DLC1: variants seen among roughly 807,000 people sequenced by gnomAD.
DLC1 encodes rho GTPase-activating protein 7.
Under a neutral mutation model 140.3 loss-of-function variants are expected in DLC1, and 54 were observed. The observed-to-expected ratio is 0.38, with a 90% CI of 0.31 to 0.48. The LOEUF (loss-of-function observed/expected upper bound fraction) is 0.48. Ranked by LOEUF, DLC1 falls within the 20% of genes least tolerant of loss-of-function variation. The pLI is 0.96. For missense variants in DLC1, 2,536 were observed against 1,907.0 expected (o/e 1.33, Z -6.14); for synonymous variants, 986 against 728.1 (o/e 1.35, Z -5.70).
intron 2 of DLC1, among the ~76,000 whole-genome samples, chr8:13,490,928 C>T (rs2117162485): frequency 6.7e-6 from 1 of 150,230 alleles, no homozygotes; most frequent in South Asian, 2.1e-4. Context: ...CCAATAATAT[C>T]TGGAACAAGG....
At chr8:13,423,156 T>C (rs1838394375) in intron 2 of DLC1, among the ~76,000 whole-genome samples, 1 of 152,190 alleles carries the variant, frequency 6.6e-6, no homozygotes. Context: ...GTCTACCAAG[T>C]TTGGCATGCA....
chr8:13,092,825 T>G lies in DLC1; in HGVS notation c.3527A>C (p.Tyr1176Ser). ...LSETFLQIYQ[Y>S]VPKDQRLQAI... ...CTGCAGGCGCTGGTCCTTGGGCACA[T>G]CTGCACGACACCAGCACTTTCTCCA... The change falls in exon 13 of 18, where the codon TAT becomes TCT. Residue 1176 changes from tyrosine (Y) to serine (S), a missense_variant and splice_region_variant. Transcript: ENST00000276297. 1 of 1,611,328 alleles carries G rather than the reference T, an allele frequency of 6.2e-7. No individual in the cohort carries two copies. The highest frequency in any genetic ancestry group is 8.5e-7 in the Non-Finnish European group (1 of 1,178,084).
At chr8:13,271,012 C>T (rs1830912225) in intron 5 of DLC1, among the ~76,000 whole-genome samples, 1 of 152,180 alleles carries the variant, frequency 6.6e-6, no homozygotes, top group Non-Finnish European at 1.5e-5. Context: ...CAGGACTCAG[C>T]CACAGGCAGC....
chr8:13,487,906 C>T (rs1351614378), intron 2 of DLC1, among the ~76,000 whole-genome samples: 1 of 152,184 alleles, frequency 6.6e-6, no homozygotes, highest in African/African-American at 2.4e-5. Context: ...AGAAGGCGAT[C>T]ATTGATATTT....
intron 5 of DLC1, among the ~76,000 whole-genome samples, chr8:13,116,712 A>C (rs1247674450): frequency 6.6e-6 from 1 of 152,206 alleles, no homozygotes; most frequent in Non-Finnish European, 1.5e-5. Flanking sequence ...TTGGCCTTTG[A>C]AGAAAGGTAA....
intron 1 of DLC1, among the ~76,000 whole-genome samples, chr8:13,592,439 C>G (rs912477918): frequency 6.6e-6 from 1 of 151,820 alleles, no homozygotes; most frequent in South Asian, 2.1e-4. Context: ...ACATATGGAT[C>G]TTTTAATGTT....
At chr8:13,272,101 C>T (rs184027413) in intron 5 of DLC1, among the ~76,000 whole-genome samples, 1 of 152,290 alleles carries the variant, frequency 6.6e-6, no homozygotes, top group African/African-American at 2.4e-5. Flanking sequence ...TTTAAAAAGT[C>T]AATGTCATTG....
rs544793033 is a variant in DLC1, at chr8:13,490,200, C to T, written c.1023+8849G>A. On this transcript the variant is annotated intron_variant, in intron 2 of 17. Coordinates refer to ENST00000276297, the MANE Select transcript of DLC1 (RefSeq NM_182643.3). Reference sequence around the variant, plus strand: ...AATCTCTGGGTTAATTTTTAATGTGCATAAAAAGCTGCAAACCCTTTTGAA... The same window carrying T: ...AATCTCTGGGTTAATTTTTAATGTGTATAAAAAGCTGCAAACCCTTTTGAA... Among the ~76,000 whole-genome samples the T allele has an allele frequency of 5.3e-5, 8 of 152,150 alleles. 1 individual carries two copies. Among genetic ancestry groups the T allele is most frequent in the Admixed American group, 2.0e-4 (3 of 15,282 alleles).
At chr8:13,278,488 G>A (rs757190328) in intron 5 of DLC1, among the ~76,000 whole-genome samples, 6 of 152,160 alleles carry the variant, frequency 3.9e-5, no homozygotes, top group African/African-American at 1.2e-4. Context: ...CTCTGTCTTC[G>A]AGGAGGAAAT....
intron 5 of DLC1, among the ~76,000 whole-genome samples, chr8:13,280,395 G>A (rs1353158284): frequency 6.6e-6 from 1 of 152,004 alleles, no homozygotes; most frequent in African/African-American, 2.4e-5. Flanking sequence ...GCCATTGGTG[G>A]AGGTGCTGTT....
intron 5 of DLC1, among the ~76,000 whole-genome samples, chr8:13,269,505 C>A (rs1229853209): frequency 1.3e-5 from 2 of 151,606 alleles, no homozygotes; most frequent in Non-Finnish European, 2.9e-5. Context: ...CACTTGAGGA[C>A]AGCAGTTTGA....
chr8:13,314,896 G>A (rs757276869), intron 4 of DLC1, among the ~76,000 whole-genome samples: 1 of 152,076 alleles, frequency 6.6e-6, no homozygotes, highest in Non-Finnish European at 1.5e-5. Flanking sequence ...TCATTGTAGT[G>A]GTAACCACCC....
At chr8:13,471,852 C>A (rs1300259554) in intron 2 of DLC1, among the ~76,000 whole-genome samples, 1 of 152,190 alleles carries the variant, frequency 6.6e-6, no homozygotes, top group Non-Finnish European at 1.5e-5. Context: ...AAGCCACTCC[C>A]AAGCTCACTG....
intron 2 of DLC1, among the ~76,000 whole-genome samples, chr8:13,464,133 G>C (rs1440753655): frequency 6.6e-6 from 1 of 152,178 alleles, no homozygotes; most frequent in Non-Finnish European, 1.5e-5. Flanking sequence ...GGAGGACACA[G>C]AGAAACAAAG....
chr8:13,262,503 A>T (rs550217781), intron 5 of DLC1, among the ~76,000 whole-genome samples: 2 of 152,138 alleles, frequency 1.3e-5, no homozygotes, highest in African/African-American at 4.8e-5. Flanking sequence ...AGAAAATCTC[A>T]AATTCACCAA....
At chr8:13,259,481 T>G (rs1445034353) in intron 5 of DLC1, among the ~76,000 whole-genome samples, 1 of 152,246 alleles carries the variant, frequency 6.6e-6, no homozygotes, top group Non-Finnish European at 1.5e-5. Context: ...TCATCAGCTG[T>G]ATGATAAATC....
intron 5 of DLC1, among the ~76,000 whole-genome samples, chr8:13,249,568 G>A (rs1475718250): frequency 1.3e-5 from 2 of 152,084 alleles, no homozygotes; most frequent in Non-Finnish European, 2.9e-5. Context: ...CTTTCACACA[G>A]TCTTCTGAAT....
chr8:13,214,334 C>G, intron 5 of DLC1: 1 of 290,962 alleles, frequency 3.4e-6, no homozygotes, highest in East Asian at 6.8e-5. Flanking sequence ...CATTGTTTCC[C>G]GGGTTCTTTA....
chr8:13,425,861 A>G (rs1838551287), intron 2 of DLC1, among the ~76,000 whole-genome samples: 1 of 151,994 alleles, frequency 6.6e-6, no homozygotes, highest in African/African-American at 2.4e-5. Flanking sequence ...TGTAGCCTTG[A>G]CCTCCTGGGC....
Sources: gnomAD v4.1 joint callset for allele counts (sites outside exome capture counted in the v4.1 genomes callset) on GRCh38, gnomAD v4.1.1 for gene constraint, MANE v1.5 for transcripts, NCBI Gene and HGNC (gene_info 2026-07-23, HGNC 2026-07-21) for gene names.